Variants in RUVBL1 observed in about 807,000 individuals in gnomAD.
The protein encoded by RUVBL1 is RuvB like AAA ATPase 1, also known as ruvB-like 1.
A neutral mutation model predicts 52.4 loss-of-function variants in RUVBL1; 4 were observed. The observed-to-expected ratio is 0.08, with a 90% CI of 0.04 to 0.17. The LOEUF (loss-of-function observed/expected upper bound fraction) is 0.17. RUVBL1 is among the 10% of genes least tolerant of loss of function. RUVBL1 has a pLI of 1.00. For missense variants in RUVBL1, 298 were observed against 572.8 expected, an observed-to-expected ratio of 0.52 and a Z score of 4.90; for synonymous variants, 217 against 214.4, an observed-to-expected ratio of 1.01 and a Z score of -0.10.
chr3:128,142,649 G>T (rs765341079), intron 1 of RUVBL1, among the ~76,000 whole-genome samples: 4 of 152,184 alleles, frequency 2.6e-5, no homozygotes, highest in South Asian at 2.1e-4. Context: ...TTCTGGGGAA[G>T]AATCCATTTT....
intron 7 of RUVBL1, among the ~76,000 whole-genome samples, chr3:128,098,615 G>T (rs1943038212): frequency 6.6e-6 from 1 of 152,212 alleles, no homozygotes; most frequent in Non-Finnish European, 1.5e-5. Flanking sequence ...TGCTCCAGCA[G>T]AGCTGGGCGA....
intron 2 of RUVBL1, among the ~76,000 whole-genome samples, chr3:128,116,905 T>C (rs768311731): frequency 4.6e-5 from 7 of 152,166 alleles, no homozygotes; most frequent in Non-Finnish European, 1.0e-4. Context: ...TAATTTTTAA[T>C]TGACAAAAAT....
chr3:128,136,288 A>T (rs892081021), intron 1 of RUVBL1, among the ~76,000 whole-genome samples: 1 of 152,086 alleles, frequency 6.6e-6, no homozygotes, highest in African/African-American at 2.4e-5. Context: ...AGTGAATGTA[A>T]ATGGACTAAA....
At chr3:128,074,042 AGGTG>A (rs995396511) in intron 9 of RUVBL1, among the ~76,000 whole-genome samples, 3 of 152,204 alleles carry the variant, frequency 2.0e-5, no homozygotes, top group Non-Finnish European at 4.4e-5. Context: ...CATCAGGAAA[AGGTG>A]TAGCAATTTC....
chr3:128,139,251 G>C (rs1166807307), intron 1 of RUVBL1, among the ~76,000 whole-genome samples: 1 of 152,112 alleles, frequency 6.6e-6, no homozygotes, highest in African/African-American at 2.4e-5. Flanking sequence ...ACAAAGTGAA[G>C]AGACAACCCA....
intron 1 of RUVBL1, among the ~76,000 whole-genome samples, chr3:128,147,814 T>C (rs1476840460): frequency 2.6e-5 from 4 of 152,204 alleles, no homozygotes; most frequent in African/African-American, 4.8e-5. Flanking sequence ...AGAGCAGCTT[T>C]ATAATAGCCA....
chr3:128,109,106 G>A (rs1943315898), intron 3 of RUVBL1, among the ~76,000 whole-genome samples: 1 of 152,228 alleles, frequency 6.6e-6, no homozygotes, highest in Non-Finnish European at 1.5e-5. Flanking sequence ...TCCCACCTAG[G>A]AGAGGAAGGG....
chr3:128,127,008 T>G (rs1486958577), upstream of RUVBL1, among the ~76,000 whole-genome samples: 1 of 152,220 alleles, frequency 6.6e-6, no homozygotes, highest in Non-Finnish European at 1.5e-5. Flanking sequence ...CTCAGAAATG[T>G]GAGCAGCTAG....
At chr3:128,141,274 G>A (rs1197550075) in intron 1 of RUVBL1, among the ~76,000 whole-genome samples, 1 of 152,182 alleles carries the variant, frequency 6.6e-6, no homozygotes, top group African/African-American at 2.4e-5. Context: ...TGCTCCAGGT[G>A]GCCTGGTAAG....
At chr3:128,112,262 T>C (rs999679869) in intron 3 of RUVBL1, among the ~76,000 whole-genome samples, 4 of 152,232 alleles carry the variant, frequency 2.6e-5, no homozygotes, top group African/African-American at 9.6e-5. Flanking sequence ...TCAAACTACT[T>C]CTGCCACTTA....
At position 128,123,777 on chromosome 3, in the gene RUVBL1, T is replaced by G; in HGVS notation, c.-53A>C. 6.5e-7 allele frequency: 1 copy of G among 1,533,970 alleles called. No individual in the cohort carries two copies. The highest frequency in any genetic ancestry group is 1.2e-5 in the South Asian group (1 of 84,742). On this transcript the variant is annotated 5_prime_UTR_variant, in exon 1 of 11. Transcript: ENST00000322623. ...CGTGGAAAACCAGCAGCTAGGACAG[T>G]GCGCCCGGCGCCTGAGTTACCATGC...
At position 128,069,487 on chromosome 3, in the gene RUVBL1, C is replaced by T. The variant is rs781072089; in HGVS notation, c.940-4267G>A. On this transcript the variant is annotated intron_variant, in intron 9 of 9. Transcript: ENST00000464873. ...GTCCCCTCCCCCAGGTACATCCCCACAGCCGCGGCCTTTGGTGGGCTGTGC... is the reference window on the plus strand; with the variant it reads ...GTCCCCTCCCCCAGGTACATCCCCATAGCCGCGGCCTTTGGTGGGCTGTGC... 3 of 1,611,558 alleles carry T rather than the reference C, an allele frequency of 1.9e-6. No homozygotes were observed. The South Asian group carries it at 3.3e-5, about 18-fold the overall frequency.
chr3:128,142,571 A>G (rs568956198), intron 1 of RUVBL1, among the ~76,000 whole-genome samples: 26 of 152,344 alleles, frequency 1.7e-4, no homozygotes, highest in African/African-American at 6.3e-4. Context: ...TTTGGAGGCC[A>G]GAAGTCCAAA....
downstream of RUVBL1, among the ~76,000 whole-genome samples, chr3:128,076,387 C>CGGCCGGCATGGAGAGGCGG (rs1302147305): frequency 1.3e-5 from 2 of 151,928 alleles, no homozygotes; most frequent in African/African-American, 2.4e-5. The surrounding 1 kb of genome is among the most constrained non-coding windows in gnomAD (Gnocchi z 6.8). Flanking sequence ...CACAGGGGGG[C>CGGCCGGCATGGAGAGGCGG]GGCCGGCATG....
chr3:128,124,754 C>G (rs1428765567), upstream of RUVBL1, among the ~76,000 whole-genome samples: 1 of 152,156 alleles, frequency 6.6e-6, no homozygotes, highest in African/African-American at 2.4e-5. Flanking sequence ...GGCGAGAAGA[C>G]CAGAGCAGAA....
Position 128,134,631 on chromosome 3 carries a change from A to T in RUVBL1, c.-39-15217T>A, listed in dbSNP as rs528326881. Reference sequence around the variant, plus strand: ...GTGAAACCCCATCTCTACAAAAAATAAAAATAAAAATAACAATAAATGAGC... The same window carrying T: ...GTGAAACCCCATCTCTACAAAAAATTAAAATAAAAATAACAATAAATGAGC... On this transcript the variant is annotated intron_variant, in intron 1 of 9. Coordinates refer to the RUVBL1 transcript ENST00000464873. Among the ~76,000 whole-genome samples, 336 of 148,850 alleles carry T rather than the reference A, an allele frequency of 2.3e-3. 2 individuals carry two copies. The highest frequency in any genetic ancestry group is 6.4e-3 in the African/African-American group (262 of 40,766).
intron 3 of RUVBL1, among the ~76,000 whole-genome samples, chr3:128,105,976 T>A (rs1406811824): frequency 6.6e-6 from 1 of 151,142 alleles, no homozygotes; most frequent in Non-Finnish European, 1.5e-5. Context: ...TTCAAGTGAT[T>A]CTCCTGCCTC....
chr3:128,092,499 C>T (rs570413112), intron 8 of RUVBL1, among the ~76,000 whole-genome samples: 88 of 151,286 alleles, frequency 5.8e-4, no homozygotes, highest in Admixed American at 1.1e-3. Context: ...TCTTACAATT[C>T]GACAACAGAA....
chr3:128,101,762 C>A (rs1040157151), intron 4 of RUVBL1, 114 bp from the exon 5 acceptor site: 3 of 1,056,642 alleles, frequency 2.8e-6, no homozygotes, highest in Non-Finnish European at 2.9e-6. Flanking sequence ...ATGGAGAAAG[C>A]CTGTTTTGCG....
Sources: allele counts gnomAD v4.1 joint callset (sites outside exome capture counted in the v4.1 genomes callset), GRCh38; gene constraint gnomAD v4.1.1; non-coding constraint Gnocchi (gnomAD v3.1); transcripts MANE v1.5; gene names NCBI Gene and HGNC (gene_info 2026-07-23, HGNC 2026-07-21).